The following MICALL1 variants were observed in gnomAD, a reference collection of about 807,000 sequenced individuals.
The protein encoded by MICALL1 is MICAL-like protein 1.
A neutral mutation model predicts 83.7 loss-of-function variants in MICALL1; 61 were observed. The ratio of observed to expected loss-of-function variants is 0.73; its 90% CI spans 0.59 to 0.90. The LOEUF (loss-of-function observed/expected upper bound fraction) is 0.90, where lower values mean the gene tolerates loss of function less well. MICALL1 is among the 40% of genes least tolerant of loss of function. MICALL1 has a pLI of 0.00. For missense variants in MICALL1, 1,066 were observed against 1,152.0 expected, an observed-to-expected ratio of 0.93 and a Z score of 1.08; for synonymous variants, 481 against 473.6, an observed-to-expected ratio of 1.02 and a Z score of -0.20.
At chr22:37,931,755 C>G (rs1929797085) in intron 9 of MICALL1, 44 bp from the exon 10 acceptor site, 2 of 1,610,456 alleles carry the variant, frequency 1.2e-6, no homozygotes, top group Admixed American at 3.3e-5. Context: ...GTCTCACGTG[C>G]CCTCTTCCCA....
At chr22:37,910,441 C>T (rs997716602) in intron 1 of MICALL1, among the ~76,000 whole-genome samples, 2 of 152,022 alleles carry the variant, frequency 1.3e-5, no homozygotes, top group Admixed American at 1.3e-4. Context: ...ATGGTGTTTT[C>T]CTCGCCCTGT....
At chr22:37,913,931 G>A (rs6000936) in intron 3 of MICALL1, among the ~76,000 whole-genome samples, 60,880 of 149,246 alleles carry the variant, frequency 0.41, 12,585 homozygotes, top group African/African-American at 0.43. Context: ...GCTGGAGTGC[G>A]ATGGCGCGAT....
At position 37,932,901 on chromosome 22, in the gene MICALL1, G is replaced by A. The variant is rs554592457; in HGVS notation, c.2234+13G>A. ...AGCTCATCTATGTGTGAGTCCCCCC[G>A]CCTGGGGCATCCCTCCCTGGAATCC... On this transcript the variant is annotated intron_variant, in intron 12 of 15. Transcript: ENST00000215957. The surrounding 1 kb of genome is among the most constrained non-coding windows in gnomAD (Gnocchi z 4.4). 18 of 1,613,840 alleles carry A rather than the reference G, an allele frequency of 1.1e-5. No individual in the cohort carries two copies. Among genetic ancestry groups the A allele is most frequent in the Middle Eastern group, 1.7e-4 (1 of 6,060 alleles).
Position 37,940,734 on chromosome 22 carries a change from G to A in MICALL1, c.2496G>A (p.Glu832=). The change falls in exon 16 of 16, where the codon GAG becomes GAA. Residue 832 remains glutamate (E), a synonymous_variant. Coordinates refer to ENST00000215957, the MANE Select transcript of MICALL1 (RefSeq NM_033386.4). ...AGTTCCAGAGGGAGGCTGAACCTGA[G>A]GGCAAGAAGAAGGGGAAGTTCAAGA... ...KKEFQREAEP[E]GKKKGKFKTM... 1.2e-6 allele frequency: 2 copies of A among 1,614,018 alleles called. No individual in the cohort carries two copies. The highest frequency in any genetic ancestry group is 1.7e-5 in the Admixed American group (1 of 59,998).
Position 37,919,194 on chromosome 22 carries a change from C to A in MICALL1, c.569+16C>A. ...ACTGCTTCCGGTGAGTGGCCAGGGC[C>A]GCGTGTTACCCCCGAAACCAGGGAG... On this transcript the variant is annotated intron_variant, in intron 5 of 15. Transcript: ENST00000215957. The A allele has an allele frequency of 6.6e-7, 1 of 1,507,374 alleles. No homozygotes were observed. The highest frequency in any genetic ancestry group is 8.9e-7 in the Non-Finnish European group (1 of 1,119,184). 93.4% of individuals were successfully genotyped at this position (1,507,374 alleles called of 1,614,324 possible). A position where few individuals can be genotyped will look rare whatever the true frequency, so the allele number is the denominator to read the frequency against.
rs544603967 is a variant in MICALL1 at position 37,906,319 on chromosome 22, T to TCGGAGC, written c.-101_-96dup. 2.1e-3 allele frequency: 1,855 copies of TCGGAGC among 873,442 alleles called. 32 individuals carry two copies. In the African/African-American group the frequency reaches 0.033, roughly 15 times the overall value. The allele number at this position is 873,442 out of a possible 1,614,324, so 54.1% of individuals were successfully genotyped here. A position where few individuals can be genotyped will look rare whatever the true frequency, so the allele number is the denominator to read the frequency against. ...CTCGCCTGCCGGTCGGCGCCCGAGC[T>TCGGAGC]CGGAGCCGCAGCCGCAGCCGGAAAC... is the stretch of plus-strand genomic sequence containing the variant. On this transcript the variant is annotated 5_prime_UTR_variant, in exon 1 of 16. Transcript: ENST00000215957. The surrounding 1 kb of genome is among the most constrained non-coding windows in gnomAD (Gnocchi z 4.4).
intron 5 of MICALL1, among the ~76,000 whole-genome samples, chr22:37,920,952 G>A (rs572432756): frequency 1.2e-4 from 19 of 152,178 alleles, no homozygotes; most frequent in African/African-American, 4.3e-4. Context: ...GCCTAGTGTA[G>A]TGGCACGCAC....
intron 1 of MICALL1, among the ~76,000 whole-genome samples, chr22:37,908,367 C>T (rs1267877282): frequency 6.6e-6 from 1 of 151,594 alleles, no homozygotes; most frequent in Admixed American, 6.6e-5. Context: ...GTGGCACAGT[C>T]ATGGCTCACT....
At chr22:37,912,065 T>G (rs1928364410) in intron 2 of MICALL1, 65 bp downstream of exon 2, 3 of 1,502,228 alleles carry the variant, frequency 2.0e-6, no homozygotes, top group Middle Eastern at 3.4e-4. Flanking sequence ...GTGTGTGTGT[T>G]TGGTGGGGAG....
chr22:37,929,401 G>A (rs146476146), intron 9 of MICALL1, among the ~76,000 whole-genome samples: 1 of 152,312 alleles, frequency 6.6e-6, no homozygotes, highest in Non-Finnish European at 1.5e-5. Context: ...TGTACATGCT[G>A]CTGTGTGTGG....
At chr22:37,908,854 G>A (rs1041368692) in intron 1 of MICALL1, among the ~76,000 whole-genome samples, 2 of 152,162 alleles carry the variant, frequency 1.3e-5, no homozygotes, top group African/African-American at 2.4e-5. Flanking sequence ...GGTGAGGGCT[G>A]CTGGGTGGAC....
intron 5 of MICALL1, among the ~76,000 whole-genome samples, chr22:37,920,743 AACCCCGTCTCTACTAAAAAT>A (rs1361358597): frequency 6.6e-6 from 1 of 151,940 alleles, no homozygotes; most frequent in African/African-American, 2.4e-5. Context: ...AACACGGTGA[AACCCCGTCTCTACTAAAAAT>A]ACAAAAAAAA....
chr22:37,939,577 C>A (rs1225791756), intron 15 of MICALL1, among the ~76,000 whole-genome samples: 1 of 150,096 alleles, frequency 6.7e-6, no homozygotes, highest in Admixed American at 6.7e-5. Flanking sequence ...TGTTCGAGAC[C>A]AGCCTGGCCA....
intron 14 of MICALL1, 86 bp downstream of exon 14, chr22:37,937,280 G>A (rs1930184040): frequency 8.6e-7 from 1 of 1,166,232 alleles, no homozygotes; most frequent in South Asian, 1.4e-5. Flanking sequence ...GCTCCCTGGA[G>A]AGCCAAAGAC....
chr22:37,909,468 C>T (rs910666953), intron 1 of MICALL1, among the ~76,000 whole-genome samples: 6 of 151,934 alleles, frequency 3.9e-5, no homozygotes, highest in African/African-American at 1.2e-4. Flanking sequence ...ACGCCATTCT[C>T]CTGCCTTAGC....
chr22:37,927,661 A>G lies in MICALL1; in HGVS notation c.1716A>G (p.Glu572=). The change falls in exon 9 of 16, where the codon GAA becomes GAG. Residue 572 remains glutamate (E), a synonymous_variant. Coordinates refer to ENST00000215957, the MANE Select transcript of MICALL1 (RefSeq NM_033386.4). The part of the protein sequence containing the change: ...SSGELVEPRV[E]QMPQASPGLA... ...GGGAACTAGTGGAGCCTAGAGTGGAACAAATGCCTCAAGCCAGCCCTGGCC... is the reference window on the plus strand; with the variant it reads ...GGGAACTAGTGGAGCCTAGAGTGGAGCAAATGCCTCAAGCCAGCCCTGGCC... The G allele has an allele frequency of 6.2e-7, 1 of 1,614,166 alleles. No homozygotes were observed. Among genetic ancestry groups the G allele is most frequent in the Non-Finnish European group, 8.5e-7 (1 of 1,180,040 alleles).
In MICALL1 at chr22:37,925,864, A is replaced by G. The variant is rs1308176963; in HGVS notation, c.1286A>G (p.Glu429Gly). The G allele has an allele frequency of 1.2e-6, 2 of 1,613,630 alleles. No homozygotes were observed. The highest frequency in any genetic ancestry group is 2.7e-5 in the African/African-American group (2 of 74,868). ...LESKPYNPFEEEEEDKEEEAP... is the reference protein window; with the variant it reads ...LESKPYNPFEGEEEDKEEEAP... ...TCCAAACCCTATAACCCCTTTGAGG[A>G]GGAGGAGGAGGACAAGGAGGAAGAG... The change falls in exon 8 of 16, where the codon GAG (glutamate) becomes GGG (glycine). Residue 429 changes from glutamate (E) to glycine (G), a missense_variant. By Grantham distance (98) the Glu-to-Gly change is moderately conservative. Transcript: ENST00000215957.
rs1054331619 is a variant in MICALL1, at chr22:37,924,173, G to A, written c.1025-487G>A. Among the ~76,000 whole-genome samples the A allele has an allele frequency of 1.4e-4, 22 of 152,280 alleles. No individual in the cohort carries two copies. Among genetic ancestry groups the A allele is most frequent in the African/African-American group, 5.3e-4 (22 of 41,546 alleles). ...TGTGGAGGCTGGATCTGAGCTGACC[G>A]CTGGGGACACAGATTACTGTTCAGG... On this transcript the variant is annotated intron_variant, in intron 6 of 15. Coordinates refer to ENST00000215957, the MANE Select transcript of MICALL1 (RefSeq NM_033386.4). This position sits in a 1 kb window ranked among gnomAD's most constrained non-coding sequence, Gnocchi z 5.2.
chr22:37,935,304 A>G (rs1930047990), intron 13 of MICALL1, among the ~76,000 whole-genome samples: 1 of 151,120 alleles, frequency 6.6e-6, no homozygotes, highest in African/African-American at 2.4e-5. Context: ...TCTGTCGCCT[A>G]GGCTGGAGTG....
Sources: gnomAD v4.1 joint callset for allele counts (sites outside exome capture counted in the v4.1 genomes callset) on GRCh38, gnomAD v4.1.1 for gene constraint, Gnocchi (gnomAD v3.1) non-coding constraint, MANE v1.5 for transcripts, NCBI Gene and HGNC (gene_info 2026-07-23, HGNC 2026-07-21) for gene names.